Variants in LYN observed in about 807,000 individuals in gnomAD.
LYN encodes tyrosine-protein kinase Lyn.
LYN carries 12 observed loss-of-function variants against 65.0 expected under a neutral mutation model. That is an observed-to-expected ratio of 0.18 (90% CI 0.12 to 0.30). The LOEUF is 0.30. LYN is among the 10% of genes least tolerant of loss of function. The pLI, the probability that LYN is intolerant of heterozygous loss-of-function variation, is 1.00. For synonymous variants in LYN, 222 were observed against 221.2 expected (o/e 1.00, Z -0.03); for missense variants, 380 against 623.2 (o/e 0.61, Z 4.16).
chr8:55,947,715 C>T lies in LYN; in HGVS notation c.276C>T (p.Val92=), dbSNP rs1806824727. The change falls in exon 4 of 13, where the codon GTC becomes GTT. Residue 92 remains valine, a synonymous_variant. Coordinates refer to ENST00000519728, the MANE Select transcript of LYN (RefSeq NM_002350.4). ...TCAAGAAAGGAGAGAAGATGAAAGT[C>T]CTGGAGGAGTAAGTGCTCTCAAGCA... ...LSFKKGEKMK[V]LEEHGEWWKA... 6.2e-7 allele frequency: 1 copy of T among 1,612,276 alleles called. No individual in the cohort carries two copies. The highest frequency in any genetic ancestry group is 1.1e-5 in the South Asian group (1 of 91,030).
chr8:55,938,134 A>G (rs1349573539), intron 1 of LYN, among the ~76,000 whole-genome samples: 1 of 152,260 alleles, frequency 6.6e-6, no homozygotes, highest in Non-Finnish European at 1.5e-5. Flanking sequence ...ATTCATTCCA[A>G]TGAAAGAAAG....
chr8:55,926,863 C>T, intron 1 of LYN, among the ~76,000 whole-genome samples: 1 of 152,186 alleles, frequency 6.6e-6, no homozygotes, highest in East Asian at 1.9e-4. Context: ...AGCAGTTTTA[C>T]ATTTGTCTGT....
chr8:55,908,465 G>A (rs1157453098), intron 1 of LYN, among the ~76,000 whole-genome samples: 6 of 151,900 alleles, frequency 3.9e-5, no homozygotes, highest in Admixed American at 1.3e-4. Context: ...GGCTGGTCTC[G>A]AACTCCTAAT....
chr8:55,971,216 C>T (rs1244570286), intron 10 of LYN, among the ~76,000 whole-genome samples: 1 of 152,228 alleles, frequency 6.6e-6, no homozygotes, highest in Non-Finnish European at 1.5e-5. Flanking sequence ...CCCAGCAGCC[C>T]TGCCTTTTTA....
chr8:55,917,881 G>A (rs953226701), intron 1 of LYN, among the ~76,000 whole-genome samples: 1 of 152,224 alleles, frequency 6.6e-6, no homozygotes, highest in African/African-American at 2.4e-5. Context: ...AAACATGACT[G>A]TGTAAAAAGA....
rs980731989 is a variant in LYN, at chr8:55,919,007, G to A, written c.-5-22848G>A. Among the ~76,000 whole-genome samples the A allele has an allele frequency of 1.1e-3, 135 of 127,490 alleles. 1 individual carries two copies. Among genetic ancestry groups the A allele is most frequent in the Admixed American group, 2.9e-4 (3 of 10,452 alleles). The allele number at this position is 127,490 out of a possible 152,430, so 83.6% of individuals were successfully genotyped here. On this transcript the variant is annotated intron_variant, in intron 1 of 12. Transcript: ENST00000519728. ...TGAGCTCAGTTGTTCGAGACCATGG[G>A]AGACCCTGTCTCTACAAAAAAAAAA...
Position 56,010,526 on chromosome 8 carries a change from G to T in LYN, c.*416G>T. On this transcript the variant is annotated 3_prime_UTR_variant, in exon 13 of 13. Coordinates refer to ENST00000519728, the MANE Select transcript of LYN (RefSeq NM_002350.4). ...CTCATTTATAAAGCTAAAATAACCG[G>T]ATATATACATAGCATGACATTTCTT... is the stretch of plus-strand genomic sequence containing the variant. 1 of 249,044 alleles carries T rather than the reference G, an allele frequency of 4.0e-6. No individual in the cohort carries two copies. Among genetic ancestry groups the T allele is most frequent in the Non-Finnish European group, 7.9e-6 (1 of 126,266 alleles). The allele number at this position is 249,044 out of a possible 1,614,324, so 15.4% of individuals were successfully genotyped here. A position where few individuals can be genotyped will look rare whatever the true frequency, so the allele number is the denominator to read the frequency against.
chr8:55,952,953 A>C (rs886306900), intron 7 of LYN, among the ~76,000 whole-genome samples: 1 of 152,050 alleles, frequency 6.6e-6, no homozygotes, highest in Non-Finnish European at 1.5e-5. Flanking sequence ...GTGTAATTGG[A>C]GTCAGTTGAG....
At chr8:55,916,579 CGAT>C (rs529131755) in intron 1 of LYN, among the ~76,000 whole-genome samples, 228 of 152,316 alleles carry the variant, frequency 1.5e-3, no homozygotes, top group Non-Finnish European at 2.6e-3. Flanking sequence ...CTGTGTTTGA[CGAT>C]GATCCCTGAG....
chr8:55,927,563 G>A (rs1481130579), intron 1 of LYN, among the ~76,000 whole-genome samples: 2 of 152,138 alleles, frequency 1.3e-5, no homozygotes, highest in East Asian at 1.9e-4. Flanking sequence ...GGCCAGGTGC[G>A]GTGGTTCACG....
intron 10 of LYN, among the ~76,000 whole-genome samples, chr8:55,981,405 A>C (rs781087284): frequency 1.3e-5 from 2 of 152,342 alleles, no homozygotes; most frequent in South Asian, 2.1e-4. Context: ...GGATGACTAT[A>C]CTGGCCACTT....
intron 1 of LYN, among the ~76,000 whole-genome samples, chr8:55,914,456 T>C (rs1001814907): frequency 2.6e-5 from 4 of 152,120 alleles, no homozygotes; most frequent in Non-Finnish European, 4.4e-5. Context: ...ATGTGAGCCG[T>C]GTACAGTTCC....
At chr8:56,003,265 G>A (rs931554426) in intron 12 of LYN, among the ~76,000 whole-genome samples, 1 of 151,998 alleles carries the variant, frequency 6.6e-6, no homozygotes, top group Non-Finnish European at 1.5e-5. Context: ...GTTTTGCCGT[G>A]TTAGCCAGAA....
chr8:55,896,390 AAACT>A (rs1167222940), intron 1 of LYN, among the ~76,000 whole-genome samples: 1 of 152,218 alleles, frequency 6.6e-6, no homozygotes, highest in African/African-American at 2.4e-5. Flanking sequence ...CATTCTCAGC[AAACT>A]AACATAAGAA....
chr8:55,913,944 G>A (rs1277500771), intron 1 of LYN, among the ~76,000 whole-genome samples: 2 of 152,200 alleles, frequency 1.3e-5, no homozygotes, highest in African/African-American at 4.8e-5. Context: ...ATGAAACCAG[G>A]AAGACAGGTT....
intron 1 of LYN, among the ~76,000 whole-genome samples, chr8:55,929,485 T>C (rs1421316025): frequency 6.6e-6 from 1 of 152,216 alleles, no homozygotes; most frequent in Non-Finnish European, 1.5e-5. Context: ...TATAACAGGA[T>C]ATTAAACTTA....
At chr8:55,920,421 T>A (rs1340076442) in intron 1 of LYN, among the ~76,000 whole-genome samples, 2 of 152,212 alleles carry the variant, frequency 1.3e-5, no homozygotes, top group Admixed American at 6.5e-5. Flanking sequence ...CTGGCTTTCC[T>A]TGTTTTGGAG....
intron 1 of LYN, among the ~76,000 whole-genome samples, chr8:55,880,946 G>C (rs1484248873): frequency 6.6e-6 from 1 of 152,158 alleles, no homozygotes; most frequent in East Asian, 1.9e-4. Flanking sequence ...TTGTATATCC[G>C]AGTGTGTTAA....
At chr8:55,886,760 A>G (rs992857735) in intron 1 of LYN, among the ~76,000 whole-genome samples, 1 of 152,226 alleles carries the variant, frequency 6.6e-6, no homozygotes, top group Non-Finnish European at 1.5e-5. Flanking sequence ...TGCATAATAG[A>G]TATACATAGT....
Sources: gnomAD v4.1 joint callset for allele counts (sites outside exome capture counted in the v4.1 genomes callset) on GRCh38, gnomAD v4.1.1 for gene constraint, MANE v1.5 for transcripts, NCBI Gene and HGNC (gene_info 2026-07-23, HGNC 2026-07-21) for gene names.